The following LUZP2 variants were observed in gnomAD, a reference collection of about 807,000 sequenced individuals.
LUZP2 encodes the protein leucine zipper protein 2.
A neutral mutation model predicts 51.6 loss-of-function variants in LUZP2; 52 were observed. The observed-to-expected ratio is 1.01, with a 90% CI of 0.81 to 1.27. The LOEUF (loss-of-function observed/expected upper bound fraction) is 1.27. Ranked by LOEUF, LUZP2 falls within the 50% of genes most tolerant of loss-of-function variation. The pLI is 0.00. For synonymous variants in LUZP2, 154 were observed against 137.3 expected, an observed-to-expected ratio of 1.12 and a Z score of -0.85; for missense variants, 436 against 395.4, an observed-to-expected ratio of 1.10 and a Z score of -0.87.
At chr11:24,729,084 C>A in intron 1 of LUZP2, 85 bp from the exon 2 acceptor site, 2 of 575,990 alleles carry the variant, frequency 3.5e-6, no homozygotes, top group Admixed American at 3.1e-5. Context: ...CTCTAGATTT[C>A]ACTGAAACTG....
At chr11:25,060,523 C>T (rs1858806227) in intron 10 of LUZP2, among the ~76,000 whole-genome samples, 1 of 152,140 alleles carries the variant, frequency 6.6e-6, no homozygotes. Context: ...AAATTCTAAC[C>T]TAAGATGGAC....
At chr11:24,768,399 C>T (rs1213889965) in intron 5 of LUZP2, among the ~76,000 whole-genome samples, 3 of 152,118 alleles carry the variant, frequency 2.0e-5, no homozygotes, top group Non-Finnish European at 4.4e-5. Flanking sequence ...CATAAGCCAT[C>T]GCACCCTGCC....
chr11:24,548,242 C>A (rs1353360522), intron 1 of LUZP2, among the ~76,000 whole-genome samples: 1 of 152,050 alleles, frequency 6.6e-6, no homozygotes, highest in African/African-American at 2.4e-5. Flanking sequence ...CATAAAGACA[C>A]AGACATGCAT....
In LUZP2 at chr11:25,030,954, T is replaced by G. The variant is rs1413828721; in HGVS notation, c.766-19084T>G. ...TAATATATATTATATATATTATATATATAATACAATATATATTATATATAT... is the reference window on the plus strand; with the variant it reads ...TAATATATATTATATATATTATATAGATAATACAATATATATTATATATAT... On this transcript the variant is annotated intron_variant, in intron 9 of 11. Coordinates refer to ENST00000336930, the MANE Select transcript of LUZP2 (RefSeq NM_001009909.4). 9.4e-3 allele frequency among the ~76,000 whole-genome samples: 28 copies of G among 2,972 alleles called. 1 individual carries two copies. The highest frequency in any genetic ancestry group is 0.016 in the Non-Finnish European group (21 of 1,310). 1.9% of individuals were successfully genotyped at this position (2,972 alleles called of 152,430 possible). A position where few individuals can be genotyped will look rare whatever the true frequency, so the allele number is the denominator to read the frequency against.
chr11:24,662,290 A>C (rs1306023843), intron 1 of LUZP2, among the ~76,000 whole-genome samples: 2 of 152,164 alleles, frequency 1.3e-5, no homozygotes. Flanking sequence ...TGAAAAAAAA[A>C]TCAACAATTG....
chr11:25,032,361 C>A (rs1047558239), intron 9 of LUZP2, among the ~76,000 whole-genome samples: 1 of 152,110 alleles, frequency 6.6e-6, no homozygotes, highest in African/African-American at 2.4e-5. Flanking sequence ...TTAGCAACAC[C>A]ATGATTTTGG....
chr11:24,531,196 G>A (rs1367772550), intron 1 of LUZP2, among the ~76,000 whole-genome samples: 1 of 150,334 alleles, frequency 6.7e-6, no homozygotes, highest in African/African-American at 2.4e-5. Flanking sequence ...TGAGAACCTG[G>A]TAATGAAGAC....
At chr11:25,008,900 A>G (rs909424377) in intron 9 of LUZP2, among the ~76,000 whole-genome samples, 1 of 152,162 alleles carries the variant, frequency 6.6e-6, no homozygotes, top group Non-Finnish European at 1.5e-5. Flanking sequence ...GCTAAAAGGC[A>G]TCAAGGAAGT....
intron 1 of LUZP2, among the ~76,000 whole-genome samples, chr11:24,607,680 T>C (rs1853975066): frequency 6.6e-6 from 1 of 152,126 alleles, no homozygotes; most frequent in Admixed American, 6.5e-5. Context: ...AAAAATACTG[T>C]TGGAGCCTGA....
At chr11:24,970,358 T>A (rs949367141) in intron 7 of LUZP2, among the ~76,000 whole-genome samples, 2 of 152,214 alleles carry the variant, frequency 1.3e-5, no homozygotes, top group Non-Finnish European at 2.9e-5. Flanking sequence ...ACTTTTAATG[T>A]GAAATTGTCT....
At chr11:24,986,118 A>C (rs927317466) in intron 9 of LUZP2, among the ~76,000 whole-genome samples, 3 of 151,746 alleles carry the variant, frequency 2.0e-5, no homozygotes, top group Non-Finnish European at 3.0e-5. Flanking sequence ...TAGAGCATGC[A>C]TGTCACTGTG....
At chr11:24,898,693 C>T (rs1333438526) in intron 5 of LUZP2, among the ~76,000 whole-genome samples, 3 of 150,382 alleles carry the variant, frequency 2.0e-5, no homozygotes, top group African/African-American at 7.3e-5. Flanking sequence ...ACATATAAAA[C>T]GTGACAATTT....
chr11:24,575,728 G>A (rs1852622279), intron 1 of LUZP2, among the ~76,000 whole-genome samples: 1 of 151,964 alleles, frequency 6.6e-6, no homozygotes, highest in South Asian at 2.1e-4. Flanking sequence ...TAATATGAGA[G>A]GCTGCATTCC....
At position 24,836,089 on chromosome 11, in the gene LUZP2, A is replaced by G. The variant is rs555883604; in HGVS notation, c.397-69902A>G. ...AGTGAGAAGAAATTCTGACTGTTTC[A>G]CTTTCAAAGTTTGGGCTATAATGAT... On this transcript the variant is annotated intron_variant, in intron 5 of 11. Transcript: ENST00000336930. Among the ~76,000 whole-genome samples the G allele has an allele frequency of 2.6e-3, 395 of 152,076 alleles. 1 individual carries two copies. Among genetic ancestry groups the G allele is most frequent in the African/African-American group, 8.5e-3 (354 of 41,552 alleles).
chr11:25,052,522 AAGTC>A (rs959049553), intron 10 of LUZP2, among the ~76,000 whole-genome samples: 3 of 152,198 alleles, frequency 2.0e-5, no homozygotes, highest in Admixed American at 1.3e-4. Flanking sequence ...AGCTTTTAGA[AAGTC>A]AGATTCTGAG....
At chr11:24,892,191 G>C (rs1163236265) in intron 5 of LUZP2, 1 of 985,354 alleles carries the variant, frequency 1.0e-6, no homozygotes, top group Non-Finnish European at 1.2e-6. Context: ...TACCTTCTGT[G>C]GTTGTGATCT....
intron 9 of LUZP2, among the ~76,000 whole-genome samples, chr11:25,031,609 A>G (rs2133992088): frequency 6.6e-6 from 1 of 151,922 alleles, no homozygotes; most frequent in East Asian, 1.9e-4. Flanking sequence ...TTCTATTCCC[A>G]CAATTTGTGT....
intron 7 of LUZP2, among the ~76,000 whole-genome samples, chr11:24,946,914 A>G (rs916569120): frequency 2.0e-5 from 3 of 152,018 alleles, no homozygotes; most frequent in Non-Finnish European, 2.9e-5. Context: ...ATATATTCAT[A>G]TATGCATACA....
chr11:24,772,898 C>T (rs1163817028), intron 5 of LUZP2, among the ~76,000 whole-genome samples: 1 of 152,136 alleles, frequency 6.6e-6, no homozygotes, highest in African/African-American at 2.4e-5. Flanking sequence ...ATAACGACAT[C>T]ATTTATTAGA....
Sources: allele counts gnomAD v4.1 joint callset (sites outside exome capture counted in the v4.1 genomes callset), GRCh38; gene constraint gnomAD v4.1.1; transcripts MANE v1.5; gene names NCBI Gene and HGNC (gene_info 2026-07-23, HGNC 2026-07-21).